DNAH9: variants seen among roughly 807,000 people sequenced by gnomAD.
The protein encoded by DNAH9 is dynein axonemal heavy chain 9.
In DNAH9, 345 loss-of-function variants were observed where a neutral mutation model predicts 471.6. That is an observed-to-expected ratio of 0.73 (90% confidence interval 0.67 to 0.80). The LOEUF is 0.80. Ranked by LOEUF, DNAH9 falls within the 30% of genes least tolerant of loss-of-function variation. The pLI is 0.00. For missense variants in DNAH9, 5,407 were observed against 5,609.2 expected, an observed-to-expected ratio of 0.96 and a Z score of 1.15; for synonymous variants, 2,093 against 2,123.6, an observed-to-expected ratio of 0.99 and a Z score of 0.40.
At chr17:11,918,441 G>A (rs1974028299) in intron 61 of DNAH9, among the ~76,000 whole-genome samples, 1 of 152,026 alleles carries the variant, frequency 6.6e-6, no homozygotes, top group African/African-American at 2.4e-5. Context: ...GTGTTGCCCA[G>A]GCTGGCCTTG....
At chr17:11,913,335 CTTT>C (rs1380861849) in intron 61 of DNAH9, among the ~76,000 whole-genome samples, 8 of 152,062 alleles carry the variant, frequency 5.3e-5, no homozygotes, top group Non-Finnish European at 8.8e-5. Flanking sequence ...TTTTATTTCT[CTTT>C]GAGTCACTTA....
chr17:11,888,206 G>T (rs374019328), intron 57 of DNAH9, among the ~76,000 whole-genome samples: 6 of 151,808 alleles, frequency 4.0e-5, no homozygotes, highest in Non-Finnish European at 7.4e-5. Context: ...GGATGGTCTC[G>T]ATCTCCGGAC....
rs747502819 is a variant in DNAH9, at chr17:11,651,144, A to C, written c.2173A>C (p.Met725Leu). The C allele has an allele frequency of 3.4e-5, 55 of 1,614,034 alleles. No individual in the cohort carries two copies. The highest frequency in any genetic ancestry group is 1.5e-4 in the South Asian group (14 of 91,088). Residue 725 changes from methionine to leucine, a missense_variant, in exon 13 of 69, where the codon ATG (methionine) becomes CTG (leucine). Coordinates refer to ENST00000262442, the MANE Select transcript of DNAH9 (RefSeq NM_001372.4). ...MKHMPETAAA[M>L]FSSRDFYRQL... ...ACACATGCCTGAGACAGCAGCAGCC[A>C]TGTTCTCCTCCAGGGATTTCTATCG...
chr17:11,623,180 G>A lies in DNAH9; in HGVS notation c.1350+3399G>A, dbSNP rs191321228. ...GTAGAGACAGGGTCTTTCTGTGTTG[G>A]TCAGGCTGGTCTTGAACTCCCAACC... On this transcript the variant is annotated intron_variant, in intron 6 of 68. Transcript: ENST00000262442. This position sits in a 1 kb window ranked among gnomAD's most constrained non-coding sequence, Gnocchi z 4.1. Among the ~76,000 whole-genome samples, 4 of 151,988 alleles carry A rather than the reference G, an allele frequency of 2.6e-5. No individual in the cohort carries two copies. Among genetic ancestry groups the A allele is most frequent in the East Asian group, 3.9e-4 (2 of 5,138 alleles).
At chr17:11,947,965 C>T (rs1975200539) in intron 67 of DNAH9, among the ~76,000 whole-genome samples, 1 of 151,760 alleles carries the variant, frequency 6.6e-6, no homozygotes, top group Non-Finnish European at 1.5e-5. Flanking sequence ...CGGGGTTTCA[C>T]CTTATTGACC....
chr17:11,669,300 C>A (rs181474046), intron 16 of DNAH9, 40 bp downstream of exon 16: 2 of 1,596,130 alleles, frequency 1.3e-6, no homozygotes, highest in Non-Finnish European at 1.7e-6. Context: ...AACTGTGTCC[C>A]GTCCAGCCGA....
Position 11,680,766 on chromosome 17 carries a change from C to G in DNAH9, c.3620C>G (p.Thr1207Ser). The part of the protein sequence containing the change: ...KWNNIKKVAI[T>S]VKQQVAPLQA... ...AACAACATAAAAAAGGTGGCCATTA[C>G]TGTGAAGCAGCAGGTGGCCCCACTG... Residue 1207 changes from threonine (T) to serine (S), a missense_variant, in exon 19 of 69, where the codon ACT becomes AGT. Thr to Ser is a moderately conservative substitution (Grantham distance 58, BLOSUM62 1). Around this residue, in one of 3 missense-constraint regions of DNAH9, gnomAD observed 4,636 missense variants for 4,900.3 expected, o/e 0.95. Transcript: ENST00000262442. The G allele has an allele frequency of 6.2e-7, 1 of 1,614,002 alleles. No homozygotes were observed. Among genetic ancestry groups the G allele is most frequent in the South Asian group, 1.1e-5 (1 of 91,034 alleles).
chr17:11,797,831 T>C (rs751722974), intron 43 of DNAH9, 38 bp downstream of exon 43: 3 of 1,585,216 alleles, frequency 1.9e-6, no homozygotes, highest in Non-Finnish European at 8.6e-7. Context: ...CTCAGTTGCT[T>C]CCTCTTCCCA....
intron 36 of DNAH9, among the ~76,000 whole-genome samples, chr17:11,767,275 A>G (rs1350783769): frequency 1.3e-5 from 2 of 152,170 alleles, no homozygotes; most frequent in Non-Finnish European, 2.9e-5. Context: ...AAGGTCTTGA[A>G]GCGTATTATC....
In DNAH9 at chr17:11,932,263, A is replaced by T; in HGVS notation, c.12297+58A>T. Reference sequence around the variant, plus strand: ...GTTGGGAGAGGGTTAAAATTATTTAATTTTGAGGGGTGAATCAGAGGGGTC... The same window carrying T: ...GTTGGGAGAGGGTTAAAATTATTTATTTTTGAGGGGTGAATCAGAGGGGTC... On this transcript the variant is annotated intron_variant, in intron 64 of 68. Transcript: ENST00000262442. The surrounding 1 kb of genome is among the most constrained non-coding windows in gnomAD (Gnocchi z 4.3). 6.4e-7 allele frequency: 1 copy of T among 1,556,456 alleles called. No homozygotes were observed. Among genetic ancestry groups the T allele is most frequent in the Non-Finnish European group, 8.8e-7 (1 of 1,142,480 alleles).
chr17:11,643,194 G>A (rs1264574230), intron 10 of DNAH9, among the ~76,000 whole-genome samples: 1 of 152,182 alleles, frequency 6.6e-6, no homozygotes, highest in East Asian at 1.9e-4. Flanking sequence ...ACCGTACCTC[G>A]AGCCACACTC....
intron 55 of DNAH9, chr17:11,883,304 T>TTGCCCATTGTGC: frequency 8.9e-7 from 1 of 1,125,172 alleles, no homozygotes; most frequent in Non-Finnish European, 1.1e-6. Context: ...ATGCAGTGTG[T>TTGCCCATTGTGC]TGCCCATTGT....
intron 45 of DNAH9, among the ~76,000 whole-genome samples, chr17:11,821,661 C>T (rs1970314328): frequency 6.6e-6 from 1 of 152,162 alleles, no homozygotes; most frequent in Admixed American, 6.5e-5. Flanking sequence ...GAAAAAAAGA[C>T]TGTTGAAGGC....
At chr17:11,794,654 C>T (rs909360093) in intron 42 of DNAH9, among the ~76,000 whole-genome samples, 2 of 152,176 alleles carry the variant, frequency 1.3e-5, no homozygotes, top group South Asian at 2.1e-4. Context: ...CCTGACTTTT[C>T]GTTGCACAAC....
chr17:11,611,922 T>C (rs890183765), intron 4 of DNAH9, 142 bp downstream of exon 4: 2 of 764,864 alleles, frequency 2.6e-6, no homozygotes, highest in East Asian at 2.5e-5. Flanking sequence ...GTGGCAAGAA[T>C]ACCACATCTA....
intron 1 of DNAH9, among the ~76,000 whole-genome samples, chr17:11,607,195 C>A (rs550483502): frequency 1.3e-5 from 2 of 151,760 alleles, no homozygotes; most frequent in South Asian, 2.1e-4. Context: ...TATTTAATCA[C>A]CTCCTATTCA....
chr17:11,776,702 G>T (rs922255018), intron 38 of DNAH9, among the ~76,000 whole-genome samples: 1 of 152,072 alleles, frequency 6.6e-6, no homozygotes, highest in Non-Finnish European at 1.5e-5. Flanking sequence ...ATAATAGAAC[G>T]CCAACTCTGC....
chr17:11,725,325 A>G (rs927584011), intron 27 of DNAH9, among the ~76,000 whole-genome samples: 4 of 152,166 alleles, frequency 2.6e-5, no homozygotes, highest in Non-Finnish European at 5.9e-5. Context: ...CCTCATTTTA[A>G]GACTCCAGTG....
chr17:11,671,230 A>T (rs188496600), intron 17 of DNAH9, among the ~76,000 whole-genome samples: 88 of 152,350 alleles, frequency 5.8e-4, no homozygotes, highest in African/African-American at 1.9e-3. Context: ...ATGTTTTATT[A>T]TTCAGGCACA....
Sources: gnomAD v4.1 joint callset for allele counts (sites outside exome capture counted in the v4.1 genomes callset) on GRCh38, gnomAD v4.1.1 for gene constraint, gnomAD v4.1.1 regional missense constraint, Gnocchi (gnomAD v3.1) non-coding constraint, MANE v1.5 for transcripts, NCBI Gene and HGNC (gene_info 2026-07-23, HGNC 2026-07-21) for gene names.